The following OSBPL3 variants were observed in gnomAD, a reference collection of about 807,000 sequenced individuals.
The protein encoded by OSBPL3 is oxysterol-binding protein-related protein 3.
In OSBPL3, 65 loss-of-function variants were observed where a neutral mutation model predicts 120.1. The observed-to-expected ratio is 0.54, with a 90% CI of 0.44 to 0.67. The LOEUF (loss-of-function observed/expected upper bound fraction) is 0.67, where lower values mean the gene tolerates loss of function less well. OSBPL3 is among the 30% of genes least tolerant of loss of function. The pLI is 0.00. For synonymous variants in OSBPL3, 416 were observed against 402.6 expected (o/e 1.03, Z -0.40); for missense variants, 1,004 against 1,082.1 (o/e 0.93, Z 1.01).
intron 19 of OSBPL3, among the ~76,000 whole-genome samples, chr7:24,814,082 C>T (rs1478490806): frequency 6.6e-6 from 1 of 152,036 alleles, no homozygotes; most frequent in African/African-American, 2.4e-5. Context: ...AGCAGGCTGA[C>T]TTCAGACGGT....
rs1436981523 is a variant in OSBPL3 at position 24,803,890 on chromosome 7, G to A, written c.2567+425C>T. 6.6e-6 allele frequency among the ~76,000 whole-genome samples: 1 copy of A among 152,206 alleles called. No individual in the cohort carries two copies. The highest frequency in any genetic ancestry group is 1.5e-5 in the Non-Finnish European group (1 of 68,034). On this transcript the variant is annotated intron_variant, in intron 22 of 22. Transcript: ENST00000313367. The surrounding 1 kb of genome is among the most constrained non-coding windows in gnomAD (Gnocchi z 4.2). ...CTACAATGCAAGAAACAGACTGCTT[G>A]GAATTTCCATACTGCTTAACTGTGG...
chr7:24,920,023 T>G (rs1466518812), intron 1 of OSBPL3, among the ~76,000 whole-genome samples: 1 of 152,038 alleles, frequency 6.6e-6, no homozygotes, highest in African/African-American at 2.4e-5. Context: ...TTATCAAGGA[T>G]GTGGAGAAAC....
rs1562796267 is a variant in OSBPL3 at position 24,834,687 on chromosome 7, G to A, written c.1545C>T (p.Cys515=). 3 of 1,613,928 alleles carry A rather than the reference G, an allele frequency of 1.9e-6. No homozygotes were observed. The highest frequency in any genetic ancestry group is 1.7e-5 in the Admixed American group (1 of 60,022). Reference sequence around the variant, plus strand: ...TGCTGCTCGGGCAGGGCGCCGGCAGGCACGTTCTTCTCCGGGACTTCGCTT... The same window carrying A: ...TGCTGCTCGGGCAGGGCGCCGGCAGACACGTTCTTCTCCGGGACTTCGCTT... ...GREAKSRRRT[C]LPAPCPSSSN... is the part of the protein sequence containing the mutation. Residue 515 remains cysteine, a synonymous_variant, in exon 15 of 23, where the codon TGC becomes TGT. Transcript: ENST00000313367. The surrounding 1 kb of genome is among the most constrained non-coding windows in gnomAD (Gnocchi z 5.2).
At chr7:24,904,742 C>T (rs1018267602) in intron 1 of OSBPL3, among the ~76,000 whole-genome samples, 2 of 151,838 alleles carry the variant, frequency 1.3e-5, no homozygotes, top group Non-Finnish European at 2.9e-5. Flanking sequence ...GTGAAATAAG[C>T]CAGTCACAGA....
chr7:24,854,965 G>C lies in OSBPL3; in HGVS notation c.1028-2331C>G, dbSNP rs1799654906. 6.6e-6 allele frequency among the ~76,000 whole-genome samples: 1 copy of C among 152,224 alleles called. No individual in the cohort carries two copies. Among genetic ancestry groups the C allele is most frequent in the Non-Finnish European group, 1.5e-5 (1 of 68,030 alleles). On this transcript the variant is annotated intron_variant, in intron 10 of 22. Transcript: ENST00000313367. This position sits in a 1 kb window ranked among gnomAD's most constrained non-coding sequence, Gnocchi z 4.1. ...GAGACACATGAGGATGAAAGTGATG[G>C]TGACTGCAGTCTCTTGAAATGTTGG...
At position 24,833,310 on chromosome 7, in the gene OSBPL3, G is replaced by C. The variant is rs114426432; in HGVS notation, c.1746+1176C>G. 3.2e-3 allele frequency among the ~76,000 whole-genome samples: 486 copies of C among 152,292 alleles called. 3 individuals carry two copies. Among genetic ancestry groups the C allele is most frequent in the African/African-American group, 0.01 (431 of 41,558 alleles). ...TTGAGTCTAGGAGTTCGAGGTTGCA[G>C]TGAGGTAGGACTGCACCGCTGCACT... On this transcript the variant is annotated intron_variant, in intron 15 of 22. Coordinates refer to ENST00000313367, the MANE Select transcript of OSBPL3 (RefSeq NM_015550.4). This position sits in a 1 kb window ranked among gnomAD's most constrained non-coding sequence, Gnocchi z 4.4.
At chr7:24,857,141 C>T (rs1341927138) in intron 10 of OSBPL3, among the ~76,000 whole-genome samples, 3 of 152,078 alleles carry the variant, frequency 2.0e-5, no homozygotes, top group African/African-American at 7.2e-5. Context: ...AGAAAATGAC[C>T]ACTCAATACT....
Position 24,912,093 on chromosome 7 carries a change from T to C in OSBPL3, c.-149-19472A>G, listed in dbSNP as rs143338237. ...GGTAGTAGGTTATTTGTTTATCAAA[T>C]TGATAACCTGTGTTCCCTCCCCTTC... On this transcript the variant is annotated intron_variant, in intron 1 of 22. Transcript: ENST00000313367. The surrounding 1 kb of genome is among the most constrained non-coding windows in gnomAD (Gnocchi z 4.5). Among the ~76,000 whole-genome samples, 1 of 152,352 alleles carries C rather than the reference T, an allele frequency of 6.6e-6. No homozygotes were observed. Among genetic ancestry groups the C allele is most frequent in the Admixed American group, 6.5e-5 (1 of 15,308 alleles).
intron 1 of OSBPL3, among the ~76,000 whole-genome samples, chr7:24,908,544 TC>T (rs1808293987): frequency 6.6e-6 from 1 of 152,214 alleles, no homozygotes; most frequent in Non-Finnish European, 1.5e-5. Context: ...CAAGACTGCT[TC>T]TTTACAGTAA....
At chr7:24,925,415 C>A (rs947086738) in intron 1 of OSBPL3, among the ~76,000 whole-genome samples, 1 of 152,186 alleles carries the variant, frequency 6.6e-6, no homozygotes, top group African/African-American at 2.4e-5. Context: ...CAATTCCAGC[C>A]GGAATACTCA....
At chr7:24,861,878 G>A (rs1800591463) in intron 9 of OSBPL3, 109 bp from the exon 10 acceptor site, 2 of 663,148 alleles carry the variant, frequency 3.0e-6, no homozygotes, top group Non-Finnish European at 4.7e-6. Context: ...CATTTTATAG[G>A]TAGGTCTTTT....
rs1302051240 is a variant in OSBPL3 at position 24,831,370 on chromosome 7, T to C, written c.1747-465A>G. ...TTTAACCATTCAAAATGTGGTATTA[T>C]AGAAACCAAAACATTCATTTTGACC... is the stretch of plus-strand genomic sequence containing the variant. On this transcript the variant is annotated intron_variant, in intron 15 of 22. Coordinates refer to ENST00000313367, the MANE Select transcript of OSBPL3 (RefSeq NM_015550.4). This position sits in a 1 kb window ranked among gnomAD's most constrained non-coding sequence, Gnocchi z 4.0. Among the ~76,000 whole-genome samples the C allele has an allele frequency of 1.3e-5, 2 of 152,194 alleles. No individual in the cohort carries two copies. Among genetic ancestry groups the C allele is most frequent in the Non-Finnish European group, 2.9e-5 (2 of 68,034 alleles).
intron 2 of OSBPL3, among the ~76,000 whole-genome samples, chr7:24,876,338 A>C (rs578149041): frequency 6.6e-6 from 1 of 152,296 alleles, no homozygotes; most frequent in Admixed American, 6.5e-5. Context: ...AATTATCCAA[A>C]CCACATCAGT....
rs1811916556 is a variant in OSBPL3, at chr7:24,932,561, G to A, written c.-149-39940C>T. ...GGCAGAGCCCTCATGAATGGGACTA[G>A]TGCCCTTTTAAAGATTCCCCACAGA... On this transcript the variant is annotated intron_variant, in intron 1 of 22. Transcript: ENST00000313367. The surrounding 1 kb of genome is among the most constrained non-coding windows in gnomAD (Gnocchi z 5.6). Among the ~76,000 whole-genome samples the A allele has an allele frequency of 6.6e-6, 1 of 152,088 alleles. No individual in the cohort carries two copies. The highest frequency in any genetic ancestry group is 2.4e-5 in the African/African-American group (1 of 41,404).
intron 5 of OSBPL3, among the ~76,000 whole-genome samples, chr7:24,869,318 G>A (rs1487381766): frequency 6.6e-6 from 1 of 152,174 alleles, no homozygotes; most frequent in Non-Finnish European, 1.5e-5. Context: ...TCCTGACCAT[G>A]TCAAAATACA....
Position 24,813,190 on chromosome 7 carries a change from T to C in OSBPL3, c.2172+1869A>G, listed in dbSNP as rs1457915017. Reference sequence around the variant, plus strand: ...CATGGCACCCGGGCTCTTAAGTTTATTCTGAAGCAGGTGTCAGATTTTCCC... The same window carrying C: ...CATGGCACCCGGGCTCTTAAGTTTACTCTGAAGCAGGTGTCAGATTTTCCC... On this transcript the variant is annotated intron_variant, in intron 19 of 22. Transcript: ENST00000313367. The surrounding 1 kb of genome is among the most constrained non-coding windows in gnomAD (Gnocchi z 4.5). Among the ~76,000 whole-genome samples the C allele has an allele frequency of 6.6e-6, 1 of 152,164 alleles. No homozygotes were observed. Among genetic ancestry groups the C allele is most frequent in the Non-Finnish European group, 1.5e-5 (1 of 68,000 alleles).
In OSBPL3 at chr7:24,872,448, A is replaced by AGTGTGTGT. The variant is rs371127031; in HGVS notation, c.97-387_97-380dup. Among the ~76,000 whole-genome samples the AGTGTGTGT allele has an allele frequency of 0.048, 7,013 of 144,790 alleles. 245 individuals carry two copies. Among genetic ancestry groups the AGTGTGTGT allele is most frequent in the African/African-American group, 0.091 (3,507 of 38,722 alleles). The allele number at this position is 144,790 out of a possible 152,430, so 95.0% of individuals were successfully genotyped here. ...TCAGTCTGAATTTTAACCGAAAGAG[A>AGTGTGTGT]GTGTGTGTGTGTGTGTGTGTGTGTG... On this transcript the variant is annotated intron_variant, in intron 2 of 22. Transcript: ENST00000313367. The surrounding 1 kb of genome is among the most constrained non-coding windows in gnomAD (Gnocchi z 4.1).
At position 24,940,581 on chromosome 7, in the gene OSBPL3, A is replaced by G. The variant is rs1041989052; in HGVS notation, c.-150+39305T>C. ...TGGAGGAAAGGGTATTTCAGAGATAACCATCTCAAAGTGAGAGCACCAGTG... is the reference window on the plus strand; with the variant it reads ...TGGAGGAAAGGGTATTTCAGAGATAGCCATCTCAAAGTGAGAGCACCAGTG... On this transcript the variant is annotated intron_variant, in intron 1 of 22. Transcript: ENST00000313367. The surrounding 1 kb of genome is among the most constrained non-coding windows in gnomAD (Gnocchi z 4.4). Among the ~76,000 whole-genome samples the G allele has an allele frequency of 1.3e-5, 2 of 152,138 alleles. No individual in the cohort carries two copies. Among genetic ancestry groups the G allele is most frequent in the African/African-American group, 4.8e-5 (2 of 41,448 alleles).
At chr7:24,836,229 T>C (rs909262855) in intron 14 of OSBPL3, among the ~76,000 whole-genome samples, 11 of 152,194 alleles carry the variant, frequency 7.2e-5, no homozygotes, top group Admixed American at 5.9e-4. Flanking sequence ...TGCCCCCAAC[T>C]TCCCCATTTA....
Sources: allele counts gnomAD v4.1 joint callset (sites outside exome capture counted in the v4.1 genomes callset), GRCh38; gene constraint gnomAD v4.1.1; non-coding constraint Gnocchi (gnomAD v3.1); transcripts MANE v1.5; gene names NCBI Gene and HGNC (gene_info 2026-07-23, HGNC 2026-07-21).